The following DIPK1A variants were observed in gnomAD, a reference collection of about 807,000 sequenced individuals.
The protein encoded by DIPK1A is divergent protein kinase domain 1A.
Under a neutral mutation model 40.8 loss-of-function variants are expected in DIPK1A, and 27 were observed. The observed-to-expected ratio is 0.66, with a 90% CI of 0.49 to 0.91. DIPK1A has a LOEUF of 0.91. DIPK1A is among the 40% of genes least tolerant of loss of function. The pLI is 0.00. For synonymous variants in DIPK1A, 166 were observed against 171.3 expected (o/e 0.97, Z 0.24); for missense variants, 412 against 505.7 (o/e 0.81, Z 1.78).
At position 92,850,760 on chromosome 1, in the gene DIPK1A, G is replaced by A. The variant is rs376028564; in HGVS notation, c.297+88C>T. The A allele has an allele frequency of 4.8e-5, 37 of 770,300 alleles. No homozygotes were observed. In the African/African-American group the frequency reaches 6.0e-4, roughly 13 times the overall value. The allele number at this position is 770,300 out of a possible 1,614,324, so 47.7% of individuals were successfully genotyped here. On this transcript the variant is annotated intron_variant, in intron 3 of 4. Coordinates refer to ENST00000370310, the MANE Select transcript of DIPK1A (RefSeq NM_001006605.5). ...ATACATATAATGTCTCAAAGCTTTG[G>A]TTCAAGAATTCTTTTAATAATGCCT...
intron 1 of DIPK1A, among the ~76,000 whole-genome samples, chr1:92,916,829 C>T (rs1650073501): frequency 6.6e-6 from 1 of 152,068 alleles, no homozygotes; most frequent in South Asian, 2.1e-4. Context: ...AGAGTTCTTC[C>T]TTCTTTTTGC....
intron 2 of DIPK1A, among the ~76,000 whole-genome samples, chr1:92,856,952 G>A (rs1688006325): frequency 2.0e-5 from 3 of 152,092 alleles, no homozygotes; most frequent in African/African-American, 4.8e-5. Flanking sequence ...TTCATAGTAC[G>A]AAATACTATG....
At chr1:92,865,949 C>A (rs1452277956) in intron 2 of DIPK1A, among the ~76,000 whole-genome samples, 1 of 152,032 alleles carries the variant, frequency 6.6e-6, no homozygotes, top group Non-Finnish European at 1.5e-5. Flanking sequence ...GAATTTACTA[C>A]AAAAAGACAA....
intron 1 of DIPK1A, among the ~76,000 whole-genome samples, chr1:92,882,717 A>C (rs1159366814): frequency 6.6e-6 from 1 of 152,192 alleles, no homozygotes; most frequent in Non-Finnish European, 1.5e-5. Flanking sequence ...TTTATATACA[A>C]ACAATATAAA....
intron 1 of DIPK1A, among the ~76,000 whole-genome samples, chr1:92,937,774 A>C (rs1651000805): frequency 6.6e-6 from 1 of 152,184 alleles, no homozygotes; most frequent in East Asian, 1.9e-4. Flanking sequence ...GCATAAATGT[A>C]CATTTCAATA....
rs116828322 is a variant in DIPK1A at position 92,930,283 on chromosome 1, A to G, written c.54+31093T>C. ...GCCTAAAGTCTTTTCTCCTCACCTCATATAGCCCTTAAAACTATGGTTCCC... is the reference window on the plus strand; with the variant it reads ...GCCTAAAGTCTTTTCTCCTCACCTCGTATAGCCCTTAAAACTATGGTTCCC... On this transcript the variant is annotated intron_variant, in intron 1 of 4. Coordinates refer to ENST00000370310, the MANE Select transcript of DIPK1A (RefSeq NM_001006605.5). Among the ~76,000 whole-genome samples the G allele has an allele frequency of 5.1e-3, 771 of 152,234 alleles. 5 individuals carry two copies. The highest frequency in any genetic ancestry group is 0.018 in the African/African-American group (747 of 41,536).
chr1:92,892,837 G>A (rs943314427), intron 1 of DIPK1A, among the ~76,000 whole-genome samples: 8 of 152,160 alleles, frequency 5.3e-5, no homozygotes, highest in South Asian at 2.1e-4. Flanking sequence ...ACCACAGCAC[G>A]AGAACTATGT....
chr1:92,840,802 G>T (rs1232906685), downstream of DIPK1A: 1 of 735,320 alleles, frequency 1.4e-6, no homozygotes, highest in African/African-American at 1.7e-5. Flanking sequence ...TGATGGAAAT[G>T]TGTTAGCCTC....
chr1:92,837,730 T>A, downstream of DIPK1A: 1 of 969,054 alleles, frequency 1.0e-6, no homozygotes, highest in Non-Finnish European at 1.6e-6. Flanking sequence ...ATAGGTGTGT[T>A]TCTTGACAAC....
chr1:92,936,111 TAAG>T (rs1176929020), intron 1 of DIPK1A, among the ~76,000 whole-genome samples: 2 of 150,706 alleles, frequency 1.3e-5, no homozygotes, highest in Non-Finnish European at 3.0e-5. Context: ...AGAACAACAA[TAAG>T]AACAACAAAA....
At chr1:92,853,561 T>C (rs1233966813) in intron 2 of DIPK1A, among the ~76,000 whole-genome samples, 1 of 152,178 alleles carries the variant, frequency 6.6e-6, no homozygotes, top group Admixed American at 6.5e-5. Context: ...AATAGTCTCA[T>C]CTGTGAAGGG....
At chr1:92,842,094 T>C, downstream of DIPK1A, 1 of 832,262 alleles carries the variant, frequency 1.2e-6, no homozygotes, top group Non-Finnish European at 1.6e-6. Context: ...CAGGAGTCAT[T>C]ATCCCTTATG....
intron 1 of DIPK1A, among the ~76,000 whole-genome samples, chr1:92,926,690 T>C (rs547805237): frequency 1.3e-5 from 2 of 152,350 alleles, no homozygotes; most frequent in Admixed American, 6.5e-5. Flanking sequence ...TGAAGCTAAT[T>C]AGGCATACAT....
chr1:92,930,623 C>T (rs1390242580), intron 1 of DIPK1A: 3 of 152,204 alleles, frequency 2.0e-5, no homozygotes, highest in Non-Finnish European at 4.4e-5. Flanking sequence ...GTTTCATGAC[C>T]TGAATACCCC....
Position 92,843,661 on chromosome 1 carries a change from A to T in DIPK1A, c.1009T>A (p.Cys337Ser), listed in dbSNP as rs1687469274. The T allele has an allele frequency of 4.5e-6, 7 of 1,551,812 alleles. No individual in the cohort carries two copies. The highest frequency in any genetic ancestry group is 6.1e-6 in the Non-Finnish European group (7 of 1,147,022). The change falls in exon 5 of 5, where the codon TGT (cysteine) becomes AGT (serine). Residue 337 changes from cysteine (C) to serine (S), a missense_variant. Transcript: ENST00000370310. ...GTTCTACAATCTGTGCCATAGACAC[A>T]GTCCAAATCAGACTCACAGTGACGA... ...KDRHCESDLD[C>S]VYGTDCRTSC...
chr1:92,953,249 AAAAAG>A (rs1431451597), intron 1 of DIPK1A, among the ~76,000 whole-genome samples: 3 of 86,242 alleles, frequency 3.5e-5, no homozygotes, highest in African/African-American at 1.2e-4. Context: ...TTAAAAAAAA[AAAAAG>A]AAAAGAAGTG....
At chr1:92,925,645 C>T (rs912732465) in intron 1 of DIPK1A, among the ~76,000 whole-genome samples, 4 of 152,072 alleles carry the variant, frequency 2.6e-5, no homozygotes, top group African/African-American at 9.7e-5. Flanking sequence ...AGGCATGCAC[C>T]ACCATACCTG....
chr1:92,880,020 T>A (rs1648298214), intron 1 of DIPK1A, among the ~76,000 whole-genome samples: 1 of 152,228 alleles, frequency 6.6e-6, no homozygotes, highest in Admixed American at 6.5e-5. Context: ...ATGGACTTAG[T>A]TTTGCCCCAC....
downstream of DIPK1A, chr1:92,837,185 T>C: frequency 1.7e-6 from 1 of 595,516 alleles, no homozygotes; most frequent in Non-Finnish European, 3.1e-6. Context: ...CCTGTGCTGA[T>C]GTGCTGGATG....
Sources: allele counts gnomAD v4.1 joint callset (sites outside exome capture counted in the v4.1 genomes callset), GRCh38; gene constraint gnomAD v4.1.1; transcripts MANE v1.5; gene names NCBI Gene and HGNC (gene_info 2026-07-23, HGNC 2026-07-21).